The following KIF9 variants were observed in gnomAD, a reference collection of about 807,000 sequenced individuals.
KIF9 encodes kinesin family member 9, also known as kinesin-like protein KIF9.
A neutral mutation model predicts 94.8 loss-of-function variants in KIF9; 68 were observed. The ratio of observed to expected loss-of-function variants is 0.72; its 90% CI spans 0.59 to 0.88. The LOEUF (loss-of-function observed/expected upper bound fraction) is 0.88, where lower values mean the gene tolerates loss of function less well. Ranked by LOEUF, KIF9 falls within the 40% of genes least tolerant of loss-of-function variation. KIF9 has a pLI of 0.00. For synonymous variants in KIF9, 343 were observed against 362.1 expected (o/e 0.95, Z 0.60); for missense variants, 882 against 982.5 (o/e 0.90, Z 1.37).
intron 17 of KIF9, among the ~76,000 whole-genome samples, chr3:47,239,347 AGT>A (rs1289532739): frequency 1.3e-5 from 2 of 152,348 alleles, no homozygotes; most frequent in East Asian, 3.9e-4. Context: ...GTTCAAAGAA[AGT>A]GTGAGCAGAG....
chr3:47,236,695 T>G lies in KIF9; in HGVS notation c.1925-76A>C. 2.2e-6 allele frequency: 3 copies of G among 1,359,526 alleles called. No homozygotes were observed. The South Asian group carries it at 3.8e-5, about 17-fold the overall frequency. The allele number at this position is 1,359,526 out of a possible 1,614,324, so 84.2% of individuals were successfully genotyped here. The stretch of plus-strand genomic sequence containing the variant: ...TGGGGGAGGAAGGGATTCCAGAAGG[T>G]GGGCACAGAGCTGGCAAATCATGAA... On this transcript the variant is annotated intron_variant, in intron 17 of 20. Transcript: ENST00000684063.
intron 9 of KIF9, among the ~76,000 whole-genome samples, chr3:47,260,122 G>C (rs373642035): frequency 7.7e-6 from 1 of 129,384 alleles, no homozygotes; most frequent in East Asian, 2.2e-4. Context: ...CTTAGGGCTG[G>C]AGGTGGGACC....
intron 1 of KIF9, chr3:47,281,263 C>A: frequency 2.1e-6 from 1 of 485,904 alleles, no homozygotes. Flanking sequence ...AAGCCCACAG[C>A]CCTTCCAGGA....
chr3:47,270,913 AAG>A (rs1045011256), intron 5 of KIF9, among the ~76,000 whole-genome samples: 3 of 151,182 alleles, frequency 2.0e-5, no homozygotes, highest in African/African-American at 7.3e-5. Context: ...CCGAAGTGGG[AAG>A]ATCGCTTGAG....
chr3:47,258,301 A>T (rs1399333061), intron 9 of KIF9, among the ~76,000 whole-genome samples: 1 of 152,170 alleles, frequency 6.6e-6, no homozygotes, highest in African/African-American at 2.4e-5. Flanking sequence ...GTTGGAGTGC[A>T]GTGGCACAGT....
chr3:47,257,621 C>A, intron 9 of KIF9, 61 bp from the exon 10 acceptor site: 1 of 1,471,676 alleles, frequency 6.8e-7, no homozygotes, highest in Non-Finnish European at 9.4e-7. Context: ...CCCAAGAGAC[C>A]GGCCTTCTCA....
At chr3:47,267,420 G>T (rs769711155) in intron 5 of KIF9, among the ~76,000 whole-genome samples, 157 bp from the exon 6 acceptor site, 2 of 152,172 alleles carry the variant, frequency 1.3e-5, no homozygotes, top group Non-Finnish European at 2.9e-5. Context: ...CTAATAGAAA[G>T]GGAGTCAAAT....
Position 47,277,364 on chromosome 3 carries a change from C to G in KIF9, c.11G>C (p.Arg4Thr). The G allele has an allele frequency of 6.2e-7, 1 of 1,613,144 alleles. No individual in the cohort carries two copies. The highest frequency in any genetic ancestry group is 8.5e-7 in the Non-Finnish European group (1 of 1,179,346). Residue 4 changes from arginine to threonine, a missense_variant, in exon 2 of 21, where the codon AGG (arginine) becomes ACG (threonine). Physicochemically the swap from Arg to Thr is moderately conservative, Grantham distance 71. Coordinates refer to ENST00000684063, the MANE Select transcript of KIF9 (RefSeq NM_182902.4). Reference protein sequence around the residue: MGTRKKVHAFVRVK... With the variant: MGTTKKVHAFVRVK... ...ACGGACAAATGCATGAACTTTTTTC[C>G]TAGTACCCATTCTAGCTAAAAAGAA...
In KIF9 at chr3:47,236,565, A is replaced by T; in HGVS notation, c.1979T>A (p.Ile660Asn). 1.9e-6 allele frequency: 3 copies of T among 1,614,054 alleles called. No individual in the cohort carries two copies. Among genetic ancestry groups the T allele is most frequent in the Non-Finnish European group, 2.5e-6 (3 of 1,180,034 alleles). ...MIIDEEEFLLILKLKDLKKQY... is the reference protein window; with the variant it reads ...MIIDEEEFLLNLKLKDLKKQY... ...CTTCTTGAGGTCTTTGAGCTTGAGG[A>T]TCAGCAGGAATTCTTCCTCATCGAT... is the stretch of plus-strand genomic sequence containing the variant. The change falls in exon 18 of 21, where the codon ATC becomes AAC. Residue 660 changes from isoleucine to asparagine, a missense_variant. Coordinates refer to ENST00000684063, the MANE Select transcript of KIF9 (RefSeq NM_182902.4).
intron 9 of KIF9, among the ~76,000 whole-genome samples, chr3:47,262,602 A>G (rs898383015): frequency 6.6e-6 from 1 of 152,104 alleles, no homozygotes; most frequent in Non-Finnish European, 1.5e-5. Context: ...CATGAGACCA[A>G]GAAGTTCCAG....
intron 5 of KIF9, among the ~76,000 whole-genome samples, chr3:47,269,172 T>C (rs1414410696): frequency 2.0e-5 from 3 of 152,220 alleles, no homozygotes; most frequent in Admixed American, 2.0e-4. Context: ...TGCCTGTGAA[T>C]AGCCATTGCA....
At chr3:47,268,523 C>T (rs895361578) in intron 5 of KIF9, among the ~76,000 whole-genome samples, 3 of 151,828 alleles carry the variant, frequency 2.0e-5, no homozygotes, top group African/African-American at 7.3e-5. Context: ...ATGGTCAGGC[C>T]TGTTCTACAA....
intron 12 of KIF9, among the ~76,000 whole-genome samples, chr3:47,247,112 C>G (rs577004943): frequency 2.6e-5 from 4 of 152,180 alleles, no homozygotes; most frequent in Admixed American, 6.5e-5. Context: ...CTGAAGTACA[C>G]GAGGTTGAGT....
chr3:47,247,302 T>A (rs1422288618), intron 12 of KIF9, 71 bp downstream of exon 12: 12 of 976,018 alleles, frequency 1.2e-5, no homozygotes, highest in Non-Finnish European at 2.0e-5. Context: ...CAGCAGAGCA[T>A]GCGTTGGGGT....
Position 47,273,628 on chromosome 3 carries a change from G to A in KIF9, c.290C>T (p.Ala97Val). 6.2e-7 allele frequency: 1 copy of A among 1,614,118 alleles called. No homozygotes were observed. Among genetic ancestry groups the A allele is most frequent in the Non-Finnish European group, 8.5e-7 (1 of 1,180,008 alleles). ...CCCCATCATGGTGTATGTCTTGCCA[G>A]CTCCCGTCTGCCCATAACACATGAT... The part of the protein sequence containing the change: ...GTIMCYGQTG[A>V]GKTYTMMGAT... The change falls in exon 4 of 21, where the codon GCT becomes GTT. Residue 97 changes from alanine to valine, a missense_variant. Transcript: ENST00000684063.
chr3:47,249,347 T>C (rs977576705), intron 10 of KIF9, among the ~76,000 whole-genome samples: 2 of 151,840 alleles, frequency 1.3e-5, no homozygotes, highest in African/African-American at 4.8e-5. Flanking sequence ...GGTTTTACCA[T>C]GTTGGCCAGG....
chr3:47,241,861 T>TATACACAC (rs199589606), intron 16 of KIF9, among the ~76,000 whole-genome samples: 36 of 120,116 alleles, frequency 3.0e-4, no homozygotes, highest in East Asian at 4.8e-4. Flanking sequence ...TATATATATA[T>TATACACAC]ACACATATAT....
At position 47,269,724 on chromosome 3, in the gene KIF9, C is replaced by G. The variant is rs540585531; in HGVS notation, c.591+1513G>C. Among the ~76,000 whole-genome samples the G allele has an allele frequency of 3.3e-5, 5 of 151,774 alleles. No individual in the cohort carries two copies. The South Asian group carries it at 1.0e-3, about 32-fold the overall frequency. ...TCAAGCAATTCTCCTGCCTCAGCCC[C>G]CCGAGTAGCTGGGATTACAGGTGCC... On this transcript the variant is annotated intron_variant, in intron 5 of 20. Coordinates refer to ENST00000684063, the MANE Select transcript of KIF9 (RefSeq NM_182902.4).
chr3:47,250,009 A>C (rs1700166922), intron 10 of KIF9, among the ~76,000 whole-genome samples: 1 of 152,028 alleles, frequency 6.6e-6, no homozygotes, highest in Admixed American at 6.6e-5. Flanking sequence ...AGACCGCACC[A>C]TTGCACTCCA....
Sources: gnomAD v4.1 joint callset for allele counts (sites outside exome capture counted in the v4.1 genomes callset) on GRCh38, gnomAD v4.1.1 for gene constraint, MANE v1.5 for transcripts, NCBI Gene and HGNC (gene_info 2026-07-23, HGNC 2026-07-21) for gene names.